Variants in U2SURP observed in about 807,000 individuals in gnomAD.
U2SURP encodes U2 snRNP-associated SURP motif-containing protein.
Under a neutral mutation model 144.9 loss-of-function variants are expected in U2SURP, and 9 were observed. That is an observed-to-expected ratio of 0.06 (90% CI 0.04 to 0.11). The LOEUF is 0.11. Among genes scored for constraint, U2SURP ranks in the 10% least tolerant of loss-of-function variants. The pLI is 1.00. For missense variants in U2SURP, 724 were observed against 1,226.7 expected, an observed-to-expected ratio of 0.59 and a Z score of 6.12; for synonymous variants, 408 against 396.8, an observed-to-expected ratio of 1.03 and a Z score of -0.33.
chr3:143,049,743 AAAAT>A (rs1179547514), intron 24 of U2SURP, among the ~76,000 whole-genome samples: 4 of 152,206 alleles, frequency 2.6e-5, no homozygotes, highest in Non-Finnish European at 4.4e-5. Context: ...TTTTAAATTC[AAAAT>A]AAATCATGAA....
intron 24 of U2SURP, among the ~76,000 whole-genome samples, chr3:143,049,181 G>A (rs1466709232): frequency 6.7e-6 from 1 of 149,648 alleles, no homozygotes; most frequent in Non-Finnish European, 1.5e-5. Context: ...CGGGAGAATT[G>A]CTTGAACCTG....
chr3:143,008,036 A>G (rs758003802), intron 1 of U2SURP, among the ~76,000 whole-genome samples: 3 of 152,262 alleles, frequency 2.0e-5, no homozygotes, highest in Non-Finnish European at 4.4e-5. Context: ...GATTAGTGAC[A>G]TCTTAAGCTA....
rs768156136 is a variant in U2SURP, at chr3:143,001,634, G to A, written c.6G>A (p.Ala2=). The change falls in exon 1 of 28, where the codon GCG becomes GCA. Residue 2 remains alanine (A), a synonymous_variant. Transcript: ENST00000473835. The part of the protein sequence containing the change: M[A]DKTPGGSQKA... ...AAGGAGGGGCAAAGCTCAAGATGGC[G>A]GACAAAACGCCAGGCGGATCTCAGA... The A allele has an allele frequency of 5.6e-6, 9 of 1,613,880 alleles. No individual in the cohort carries two copies. In the Admixed American group the frequency reaches 1.2e-4, roughly 21 times the overall value.
At chr3:143,016,416 C>G (rs1313563593) in intron 5 of U2SURP, 45 bp downstream of exon 5, 6 of 1,536,836 alleles carry the variant, frequency 3.9e-6, no homozygotes, top group Middle Eastern at 1.7e-4. Context: ...AACTGTATTA[C>G]AGTTTTTGAG....
chr3:143,045,516 T>C (rs1242197313), intron 24 of U2SURP, among the ~76,000 whole-genome samples: 1 of 152,260 alleles, frequency 6.6e-6, no homozygotes, highest in African/African-American at 2.4e-5. Flanking sequence ...TAGTATGTTC[T>C]GTTTCCTTAT....
intron 24 of U2SURP, among the ~76,000 whole-genome samples, chr3:143,047,077 C>G (rs1352622522): frequency 3.3e-5 from 3 of 90,578 alleles, no homozygotes; most frequent in Non-Finnish European, 6.5e-5. Context: ...CCTGACGGGG[C>G]GGCTGGCCGG....
intron 24 of U2SURP, among the ~76,000 whole-genome samples, chr3:143,046,200 T>C (rs2108309619): frequency 6.7e-6 from 1 of 149,918 alleles, no homozygotes; most frequent in Admixed American, 6.6e-5. Flanking sequence ...TATAAAATAC[T>C]AACATCCTTT....
chr3:143,045,506 T>C (rs192888269), intron 24 of U2SURP, among the ~76,000 whole-genome samples: 13 of 152,344 alleles, frequency 8.5e-5, no homozygotes, highest in African/African-American at 2.2e-4. Flanking sequence ...CCCAACTGTT[T>C]AGTATGTTCT....
intron 2 of U2SURP, among the ~76,000 whole-genome samples, chr3:143,011,594 A>G (rs1351972699): frequency 6.6e-6 from 1 of 152,158 alleles, no homozygotes; most frequent in Non-Finnish European, 1.5e-5. Flanking sequence ...AGGCAGTGAC[A>G]CCAGAGTATA....
At chr3:143,043,010 G>T (rs1934198014) in intron 23 of U2SURP, 107 bp from the exon 24 acceptor site, 3 of 1,096,952 alleles carry the variant, frequency 2.7e-6, no homozygotes, top group Admixed American at 3.0e-5. Flanking sequence ...TTATGTTTTG[G>T]CTATGTTATT....
Position 143,012,235 on chromosome 3 carries a change from G to T in U2SURP, c.104G>T (p.Gly35Val). Residue 35 changes from glycine to valine, a missense_variant, in exon 3 of 28, where the codon GGA becomes GTA. This residue lies in a region of U2SURP where 127 missense variants were observed against 98.2 expected (regional missense o/e 1.29). Coordinates refer to ENST00000473835, the MANE Select transcript of U2SURP (RefSeq NM_001080415.2). ...CTTTTCCTGAAGATGGATGCATCTG[G>T]ACCCTCAGATAGTGATATGCCAAGT... ...GSSDAHMDAS[G>V]PSDSDMPSRT... is the part of the protein sequence containing the mutation. 1 of 1,612,474 alleles carries T rather than the reference G, an allele frequency of 6.2e-7. No homozygotes were observed. The highest frequency in any genetic ancestry group is 8.5e-7 in the Non-Finnish European group (1 of 1,179,246).
chr3:143,053,868 A>T, intron 26 of U2SURP, 74 bp downstream of exon 26: 1 of 1,217,596 alleles, frequency 8.2e-7, no homozygotes, highest in Non-Finnish European at 1.1e-6. Context: ...TACTTTCATC[A>T]TTGATGCCCG....
intron 24 of U2SURP, among the ~76,000 whole-genome samples, chr3:143,049,737 A>T (rs932331128): frequency 2.0e-5 from 3 of 152,186 alleles, no homozygotes; most frequent in African/African-American, 7.2e-5. Flanking sequence ...TTTTATTTTT[A>T]AATTCAAAAT....
rs1935229094 is a variant in U2SURP, at chr3:143,058,066, A to G, written c.*1616A>G. On this transcript the variant is annotated 3_prime_UTR_variant, in exon 28 of 28. Coordinates refer to ENST00000473835, the MANE Select transcript of U2SURP (RefSeq NM_001080415.2). ...AATTCCTAAAAATTTGTTCAGAATAATTAAAAGTGAACATTTGGTGCTGAT... is the reference window on the plus strand; with the variant it reads ...AATTCCTAAAAATTTGTTCAGAATAGTTAAAAGTGAACATTTGGTGCTGAT... 1 of 152,410 alleles carries G rather than the reference A, an allele frequency of 6.6e-6. No homozygotes were observed. The highest frequency in any genetic ancestry group is 2.4e-5 in the African/African-American group (1 of 41,434). The allele number at this position is 152,410 out of a possible 1,614,324, so 9.4% of individuals were successfully genotyped here.
intron 26 of U2SURP, 96 bp downstream of exon 26, chr3:143,053,890 T>C (rs1935014526): frequency 3.8e-6 from 4 of 1,045,270 alleles, no homozygotes. Flanking sequence ...AAACTGGAAG[T>C]GTTTGTTCAT....
chr3:143,009,692 C>G (rs150989912), intron 1 of U2SURP, among the ~76,000 whole-genome samples: 7 of 152,012 alleles, frequency 4.6e-5, no homozygotes, highest in African/African-American at 1.7e-4. Context: ...TATGCTAATG[C>G]GCAATACAGT....
At position 143,038,946 on chromosome 3, in the gene U2SURP, A is replaced by C; in HGVS notation, c.2370A>C (p.Glu790Asp). Reference protein sequence around the residue: ...ELFDQHEESEEEENQNQEEES... With the variant: ...ELFDQHEESEDEENQNQEEES... ...TTGACCAGCATGAAGAATCAGAAGA[A>C]GAAGAAAATCAAAAGTAAGAATCTA... Residue 790 changes from glutamate (E) to aspartate (D), a missense_variant, in exon 23 of 28, where the codon GAA becomes GAC. This residue lies in a region of U2SURP where 50 missense variants were observed against 48.0 expected (regional missense o/e 1.04). Transcript: ENST00000473835. 1 of 1,538,828 alleles carries C rather than the reference A, an allele frequency of 6.5e-7. No homozygotes were observed. The highest frequency in any genetic ancestry group is 8.7e-7 in the Non-Finnish European group (1 of 1,143,842).
chr3:143,028,109 C>T (rs1354389224), intron 14 of U2SURP, among the ~76,000 whole-genome samples: 1 of 152,104 alleles, frequency 6.6e-6, no homozygotes. Context: ...TCATAAGACT[C>T]ATGATGCATG....
intron 26 of U2SURP, among the ~76,000 whole-genome samples, chr3:143,053,999 C>A (rs1935019426): frequency 6.6e-6 from 1 of 152,196 alleles, no homozygotes; most frequent in Admixed American, 6.5e-5. Context: ...ATCATCCCTT[C>A]ACATGGTTTA....
Sources: gnomAD v4.1 joint callset for allele counts (sites outside exome capture counted in the v4.1 genomes callset) on GRCh38, gnomAD v4.1.1 for gene constraint, gnomAD v4.1.1 regional missense constraint, MANE v1.5 for transcripts, NCBI Gene and HGNC (gene_info 2026-07-23, HGNC 2026-07-21) for gene names.